SNX9: variants seen among roughly 807,000 people sequenced by gnomAD.
The protein encoded by SNX9 is sorting nexin 9.
Under a neutral mutation model 89.4 loss-of-function variants are expected in SNX9, and 44 were observed. The ratio of observed to expected loss-of-function variants is 0.49; its 90% CI spans 0.39 to 0.63. SNX9 has a LOEUF of 0.63. Among genes scored for constraint, SNX9 ranks in the 30% least tolerant of loss-of-function variants. SNX9 has a pLI of 0.00. For synonymous variants in SNX9, 236 were observed against 247.8 expected, an observed-to-expected ratio of 0.95 and a Z score of 0.45; for missense variants, 578 against 736.1, an observed-to-expected ratio of 0.79 and a Z score of 2.49.
chr6:157,858,708 C>T (rs1782061772), intron 1 of SNX9, among the ~76,000 whole-genome samples: 1 of 152,168 alleles, frequency 6.6e-6, no homozygotes, highest in African/African-American at 2.4e-5. Flanking sequence ...AATGGACTCA[C>T]AATTCCACAT....
chr6:157,895,006 G>A (rs1782949893), intron 4 of SNX9, among the ~76,000 whole-genome samples: 1 of 152,214 alleles, frequency 6.6e-6, no homozygotes, highest in East Asian at 1.9e-4. Context: ...GCCTCACAGG[G>A]CCTGTATCAC....
chr6:157,932,693 C>T (rs1280869849), intron 13 of SNX9, among the ~76,000 whole-genome samples: 2 of 151,152 alleles, frequency 1.3e-5, no homozygotes, highest in African/African-American at 2.4e-5. Flanking sequence ...TGGTGAGACC[C>T]CCATCTCTAC....
In SNX9 at chr6:157,847,252, A is replaced by G. The variant is rs577719167; in HGVS notation, c.13-20295A>G. On this transcript the variant is annotated intron_variant, in intron 1 of 17. Coordinates refer to ENST00000392185, the MANE Select transcript of SNX9 (RefSeq NM_016224.5). ...AAGTTAGCTGAGACCACAGGTGTGCACCACACTGCTTGGCTAATTTTTGTA... is the reference window on the plus strand; with the variant it reads ...AAGTTAGCTGAGACCACAGGTGTGCGCCACACTGCTTGGCTAATTTTTGTA... 2.5e-4 allele frequency among the ~76,000 whole-genome samples: 38 copies of G among 152,156 alleles called. No homozygotes were observed. In the East Asian group the frequency reaches 6.0e-3, roughly 24 times the overall value.
chr6:157,911,456 A>T (rs931777485), intron 9 of SNX9, among the ~76,000 whole-genome samples: 7 of 152,210 alleles, frequency 4.6e-5, no homozygotes, highest in Non-Finnish European at 1.0e-4. Flanking sequence ...GACCCTTCAC[A>T]GCCAGGTGGC....
At chr6:157,936,314 C>T (rs150670755) in intron 14 of SNX9, among the ~76,000 whole-genome samples, 161 of 152,210 alleles carry the variant, frequency 1.1e-3, no homozygotes, top group Admixed American at 2.6e-3. Flanking sequence ...TCTCTTGAGT[C>T]CAGGAGTTCG....
chr6:157,852,524 G>A (rs930101648), intron 1 of SNX9, among the ~76,000 whole-genome samples: 4 of 152,080 alleles, frequency 2.6e-5, no homozygotes, highest in East Asian at 1.9e-4. Flanking sequence ...CACCTCACAC[G>A]TAAGAACTCT....
intron 12 of SNX9, among the ~76,000 whole-genome samples, chr6:157,930,401 A>G (rs1226924446): frequency 6.6e-6 from 1 of 152,216 alleles, no homozygotes; most frequent in Non-Finnish European, 1.5e-5. Context: ...CTTTAGTCAT[A>G]GAGGATGACT....
At chr6:157,934,252 A>G (rs1208187714) in intron 13 of SNX9, 1 of 152,246 alleles carries the variant, frequency 6.6e-6, no homozygotes, top group East Asian at 1.9e-4. Context: ...AACATTGCAT[A>G]TTCTTATGGA....
intron 15 of SNX9, among the ~76,000 whole-genome samples, chr6:157,938,239 A>G (rs1348298572): frequency 6.6e-6 from 1 of 152,214 alleles, no homozygotes; most frequent in Non-Finnish European, 1.5e-5. Flanking sequence ...TCTGTTGTAT[A>G]AAAAAAGAGA....
chr6:157,929,873 A>G (rs1250642166), intron 12 of SNX9, among the ~76,000 whole-genome samples: 1 of 152,232 alleles, frequency 6.6e-6, no homozygotes, highest in African/African-American at 2.4e-5. Flanking sequence ...CCAGATCTGA[A>G]AATCCAAAGC....
At chr6:157,837,381 T>C (rs1406732604) in intron 1 of SNX9, among the ~76,000 whole-genome samples, 1 of 152,224 alleles carries the variant, frequency 6.6e-6, no homozygotes, top group African/African-American at 2.4e-5. Context: ...TTTATTTGCA[T>C]TGTATAATAT....
chr6:157,941,974 T>G (rs1784045209), intron 17 of SNX9, among the ~76,000 whole-genome samples: 1 of 152,236 alleles, frequency 6.6e-6, no homozygotes, highest in African/African-American at 2.4e-5. Flanking sequence ...TATAACAGAT[T>G]ACATTTGTCT....
At chr6:157,919,565 A>G (rs767414978) in intron 9 of SNX9, among the ~76,000 whole-genome samples, 6 of 151,916 alleles carry the variant, frequency 3.9e-5, no homozygotes, top group Non-Finnish European at 8.8e-5. Context: ...CTTTTTTGGT[A>G]ACTTCTCTCT....
chr6:157,891,490 C>A (rs1318667361), intron 4 of SNX9, among the ~76,000 whole-genome samples: 2 of 152,102 alleles, frequency 1.3e-5, no homozygotes, highest in African/African-American at 4.8e-5. Flanking sequence ...TGATTTCCTC[C>A]TTTTGGTGAT....
chr6:157,905,199 G>C (rs1478659635), intron 6 of SNX9, among the ~76,000 whole-genome samples: 3 of 152,136 alleles, frequency 2.0e-5, no homozygotes, highest in Admixed American at 2.0e-4. Context: ...AGAGAAAGGA[G>C]ACTCAAGGGA....
At chr6:157,885,645 A>G (rs1782719443) in intron 4 of SNX9, among the ~76,000 whole-genome samples, 1 of 152,208 alleles carries the variant, frequency 6.6e-6, no homozygotes, top group Non-Finnish European at 1.5e-5. Flanking sequence ...AGGCCAGATG[A>G]CATCATCACA....
intron 1 of SNX9, among the ~76,000 whole-genome samples, chr6:157,836,008 A>C (rs1366881293): frequency 2.0e-5 from 3 of 152,128 alleles, no homozygotes; most frequent in African/African-American, 7.2e-5. Flanking sequence ...GGCTCACAGC[A>C]GCAGCCTCGA....
chr6:157,929,643 C>T (rs571959307), intron 12 of SNX9, among the ~76,000 whole-genome samples: 1 of 152,152 alleles, frequency 6.6e-6, no homozygotes, highest in South Asian at 2.1e-4. Flanking sequence ...TTATGAGTAA[C>T]ATATACCTAC....
intron 4 of SNX9, 119 bp from the exon 5 acceptor site, chr6:157,896,708 C>T (rs1253766487): frequency 8.7e-7 from 1 of 1,144,894 alleles, no homozygotes; most frequent in Non-Finnish European, 1.3e-6. Context: ...GTTTTGAATA[C>T]ATTTCTATTA....
Sources: allele counts gnomAD v4.1 joint callset (sites outside exome capture counted in the v4.1 genomes callset), GRCh38; gene constraint gnomAD v4.1.1; transcripts MANE v1.5; gene names NCBI Gene and HGNC (gene_info 2026-07-23, HGNC 2026-07-21).